The following RUNX1 variants were observed in gnomAD, a reference collection of about 807,000 sequenced individuals.
RUNX1 encodes RUNX family transcription factor 1, also known as runt-related transcription factor 1.
Under a neutral mutation model 42.8 loss-of-function variants are expected in RUNX1, and 19 were observed. The observed-to-expected ratio is 0.44, with a 90% CI of 0.31 to 0.65. The LOEUF is 0.65. Ranked by LOEUF, RUNX1 falls within the 30% of genes least tolerant of loss-of-function variation. The probability of loss-of-function intolerance (pLI) is 0.07; values close to 1 mark genes in which losing one functional copy is unlikely to be tolerated. For missense variants in RUNX1, 528 were observed against 672.0 expected, an observed-to-expected ratio of 0.79 and a Z score of 2.37; for synonymous variants, 271 against 289.4, an observed-to-expected ratio of 0.94 and a Z score of 0.64.
chr21:34,810,645 G>C (rs2056745923), intron 7 of RUNX1, among the ~76,000 whole-genome samples: 2 of 152,206 alleles, frequency 1.3e-5, no homozygotes, highest in South Asian at 4.2e-4. Flanking sequence ...TTAATGCCTT[G>C]GAGACTCAGT....
At position 34,938,700 on chromosome 21, in the gene RUNX1, C is replaced by A. The variant is rs180862716; in HGVS notation, c.59-45737G>T. Among the ~76,000 whole-genome samples the A allele has an allele frequency of 5.3e-4, 80 of 152,112 alleles. 1 individual carries two copies. Among genetic ancestry groups the A allele is most frequent in the Non-Finnish European group, 3.1e-4 (21 of 68,000 alleles). On this transcript the variant is annotated intron_variant, in intron 2 of 8. Transcript: ENST00000675419. The stretch of plus-strand genomic sequence containing the variant: ...TTAAAAATGAGGCTGGAAACTTGGC[C>A]CTTCATTAAAACCTCTGTAACAGAT...
At chr21:35,030,678 A>C (rs1436548402) in intron 2 of RUNX1, among the ~76,000 whole-genome samples, 1 of 152,302 alleles carries the variant, frequency 6.6e-6, no homozygotes, top group East Asian at 1.9e-4. Flanking sequence ...GATTTTTTTG[A>C]ATATGATCTC....
chr21:34,996,740 A>G lies in RUNX1; in HGVS notation c.58+52102T>C, dbSNP rs557421494. Among the ~76,000 whole-genome samples the G allele has an allele frequency of 2.0e-5, 3 of 152,264 alleles. No homozygotes were observed. The South Asian group carries it at 6.2e-4, about 32-fold the overall frequency. On this transcript the variant is annotated intron_variant, in intron 2 of 8. Coordinates refer to ENST00000675419, the MANE Select transcript of RUNX1 (RefSeq NM_001754.5). ...GGTTTCACAGAGATCCTCATTAAAGAAAGTGTTGCCGTAAGTAATCTAGTA... is the reference window on the plus strand; with the variant it reads ...GGTTTCACAGAGATCCTCATTAAAGGAAGTGTTGCCGTAAGTAATCTAGTA...
At chr21:34,881,742 A>C (rs1216974513) in intron 4 of RUNX1, among the ~76,000 whole-genome samples, 1 of 152,238 alleles carries the variant, frequency 6.6e-6, no homozygotes, top group Non-Finnish European at 1.5e-5. Flanking sequence ...TAAGAAAATG[A>C]ATTCCAAAGT....
At position 34,829,180 on chromosome 21, in the gene RUNX1, A is replaced by G. The variant is rs767856483; in HGVS notation, c.805+5230T>C. ...TCTTTCTTAGCCACTATGATCTGCT[A>G]TCTTTCTTGGCTATTAGATTCCCAG... On this transcript the variant is annotated intron_variant, in intron 7 of 8. Coordinates refer to ENST00000675419, the MANE Select transcript of RUNX1 (RefSeq NM_001754.5). Among the ~76,000 whole-genome samples, 3 of 152,326 alleles carry G rather than the reference A, an allele frequency of 2.0e-5. No homozygotes were observed. The East Asian group carries it at 5.8e-4, about 29-fold the overall frequency.
intron 2 of RUNX1, among the ~76,000 whole-genome samples, chr21:34,934,089 C>T (rs1382304166): frequency 6.6e-6 from 1 of 152,154 alleles, no homozygotes; most frequent in African/African-American, 2.4e-5. Flanking sequence ...TTCTAAGACA[C>T]AGCAGATTCG....
chr21:34,856,358 C>T, intron 6 of RUNX1: 1 of 519,034 alleles, frequency 1.9e-6, no homozygotes, highest in Non-Finnish European at 3.8e-6. Context: ...CTATAATAGA[C>T]AGTCTTCGAG....
At chr21:34,987,713 C>T (rs1056130786) in intron 2 of RUNX1, among the ~76,000 whole-genome samples, 1 of 152,038 alleles carries the variant, frequency 6.6e-6, no homozygotes, top group African/African-American at 2.4e-5. Flanking sequence ...TAGGAGAGCA[C>T]CAAAGTATGT....
chr21:34,907,111 C>T lies in RUNX1; in HGVS notation c.59-14148G>A, dbSNP rs573566289. Among the ~76,000 whole-genome samples the T allele has an allele frequency of 2.0e-5, 3 of 152,086 alleles. No homozygotes were observed. The highest frequency in any genetic ancestry group is 4.8e-5 in the African/African-American group (2 of 41,408). On this transcript the variant is annotated intron_variant, in intron 2 of 8. Transcript: ENST00000675419. This position sits in a 1 kb window ranked among gnomAD's most constrained non-coding sequence, Gnocchi z 5.3. The stretch of plus-strand genomic sequence containing the variant: ...CAAAGTCAGCCAGGAGGGTCATGTG[C>T]CCCCTTCAGTGAAAACCTTGACTCT...
At chr21:34,833,547 A>G (rs1015750903) in intron 7 of RUNX1, 1 of 152,932 alleles carries the variant, frequency 6.5e-6, no homozygotes, top group African/African-American at 2.4e-5. Flanking sequence ...AGGGGCAAAG[A>G]GCTACCACAT....
chr21:34,888,557 C>G, intron 3 of RUNX1: 1 of 1,063,520 alleles, frequency 9.4e-7, no homozygotes, highest in Non-Finnish European at 1.1e-6. Context: ...GGAGAAGCAG[C>G]AGAGGTTGAC....
intron 4 of RUNX1, among the ~76,000 whole-genome samples, chr21:34,884,521 A>C (rs2057951230): frequency 6.6e-6 from 1 of 152,198 alleles, no homozygotes; most frequent in Non-Finnish European, 1.5e-5. Flanking sequence ...TAAAGTAATA[A>C]TTTCTGTTGA....
At chr21:34,878,816 T>C (rs1229940660) in intron 5 of RUNX1, among the ~76,000 whole-genome samples, 1 of 152,230 alleles carries the variant, frequency 6.6e-6, no homozygotes, top group Non-Finnish European at 1.5e-5. Context: ...ATTTTTTTAT[T>C]ATCACTGGTT....
chr21:34,886,228 C>A (rs1027331332), intron 4 of RUNX1, among the ~76,000 whole-genome samples: 1 of 152,198 alleles, frequency 6.6e-6, no homozygotes, highest in East Asian at 1.9e-4. Flanking sequence ...TCGATACTTG[C>A]GGCTTCTGGC....
At chr21:35,046,469 C>T (rs765100477) in intron 2 of RUNX1, among the ~76,000 whole-genome samples, 10 of 152,152 alleles carry the variant, frequency 6.6e-5, no homozygotes, top group South Asian at 2.1e-4. Flanking sequence ...AGGGAACACA[C>T]GCTGTAAATT....
rs2058673483 is a variant in RUNX1, at chr21:34,960,283, G to A, written c.59-67320C>T. On this transcript the variant is annotated intron_variant, in intron 2 of 8. Coordinates refer to ENST00000675419, the MANE Select transcript of RUNX1 (RefSeq NM_001754.5). ...CCCGGCTCCCGATAGGTGGAAGCTGGCTTGTGACTGAGTCTGACCAGTGGA... is the reference window on the plus strand; with the variant it reads ...CCCGGCTCCCGATAGGTGGAAGCTGACTTGTGACTGAGTCTGACCAGTGGA... 2.0e-5 allele frequency among the ~76,000 whole-genome samples: 3 copies of A among 152,180 alleles called. No homozygotes were observed. The South Asian group carries it at 6.2e-4, about 32-fold the overall frequency.
chr21:34,939,484 G>A (rs1248130041), intron 2 of RUNX1, among the ~76,000 whole-genome samples: 7 of 152,172 alleles, frequency 4.6e-5, no homozygotes, highest in Non-Finnish European at 7.3e-5. Flanking sequence ...CAGAAAACAC[G>A]TAAGAGAGAG....
intron 5 of RUNX1, among the ~76,000 whole-genome samples, chr21:34,878,958 T>C (rs1226617341): frequency 6.6e-6 from 1 of 152,234 alleles, no homozygotes. Flanking sequence ...CATAGTATGA[T>C]GATAACACTT....
At chr21:34,793,870 A>G (rs1284556301) in intron 8 of RUNX1, among the ~76,000 whole-genome samples, 1 of 151,656 alleles carries the variant, frequency 6.6e-6, no homozygotes, top group Non-Finnish European at 1.5e-5. Flanking sequence ...GGCCTGGCCA[A>G]TTTTTGTATT....
Sources: allele counts gnomAD v4.1 joint callset (sites outside exome capture counted in the v4.1 genomes callset), GRCh38; gene constraint gnomAD v4.1.1; non-coding constraint Gnocchi (gnomAD v3.1); transcripts MANE v1.5; gene names NCBI Gene and HGNC (gene_info 2026-07-23, HGNC 2026-07-21).